NUCB2: variants seen among roughly 807,000 people sequenced by gnomAD.
The protein encoded by NUCB2 is nucleobindin-2.
In NUCB2, 48 loss-of-function variants were observed where a neutral mutation model predicts 57.9. The observed-to-expected ratio is 0.83, with a 90% CI of 0.66 to 1.05. NUCB2 has a LOEUF of 1.05. NUCB2 is among the 50% of genes least tolerant of loss of function. The pLI, the probability that NUCB2 is intolerant of heterozygous loss-of-function variation, is 0.00. For synonymous variants in NUCB2, 139 were observed against 152.1 expected (o/e 0.91, Z 0.64); for missense variants, 442 against 476.2 (o/e 0.93, Z 0.67).
At chr11:17,288,955 AT>A in intron 2 of NUCB2, among the ~76,000 whole-genome samples, 1 of 59,280 alleles carries the variant, frequency 1.7e-5, no homozygotes, top group African/African-American at 1.0e-4. Context: ...ACACACATAT[AT>A]ATATATATTT....
chr11:17,348,316 T>TGTG (rs1347123809), intron 2 of NUCB2, among the ~76,000 whole-genome samples: 47 of 119,180 alleles, frequency 3.9e-4, no homozygotes, highest in African/African-American at 1.4e-3. Flanking sequence ...TGTTTGTTTT[T>TGTG]GTGTTTTTTT....
chr11:17,306,240 A>T (rs920779224), intron 5 of NUCB2, among the ~76,000 whole-genome samples: 5 of 152,194 alleles, frequency 3.3e-5, no homozygotes, highest in Non-Finnish European at 5.9e-5. Context: ...ATTAATAAAC[A>T]TCTGAACATT....
In NUCB2 at chr11:17,312,041, A is replaced by G; in HGVS notation, c.833A>G (p.Tyr278Cys). ...TTTTCTTTTTAGTTGGAGAAAGTAT[A>G]TGACCCTAAAAATGAAGAGGATGAT... ...ALFTKELEKV[Y>C]DPKNEEDDMV... The change falls in exon 10 of 14, where the codon TAT becomes TGT. Residue 278 changes from tyrosine to cysteine, a missense_variant. Physicochemically the swap from Tyr to Cys is radical, Grantham distance 194. Coordinates refer to ENST00000529010, the MANE Select transcript of NUCB2 (RefSeq NM_005013.4). 1 of 1,585,624 alleles carries G rather than the reference A, an allele frequency of 6.3e-7. No individual in the cohort carries two copies. Among genetic ancestry groups the G allele is most frequent in the Non-Finnish European group, 8.6e-7 (1 of 1,167,128 alleles).
rs34261355 is a variant in NUCB2 at position 17,285,964 on chromosome 11, C to CAT, written c.-1+3022_-1+3023insTA. The stretch of plus-strand genomic sequence containing the variant: ...ACACACACACACACACACACACACA[C>CAT]ACAAAGCAAACTTAATCTGTATAAC... On this transcript the variant is annotated intron_variant, in intron 2 of 13. Coordinates refer to ENST00000529010, the MANE Select transcript of NUCB2 (RefSeq NM_005013.4). Among the ~76,000 whole-genome samples, 8 of 150,602 alleles carry CAT rather than the reference C, an allele frequency of 5.3e-5. No individual in the cohort carries two copies. In the East Asian group the frequency reaches 1.5e-3, roughly 29 times the overall value.
intron 2 of NUCB2, among the ~76,000 whole-genome samples, chr11:17,285,576 C>CAA (rs1319420352): frequency 2.8e-4 from 31 of 109,850 alleles, no homozygotes; most frequent in Admixed American, 9.6e-4. Context: ...GACACTGTCT[C>CAA]AAAAAAAAAA....
intron 2 of NUCB2, among the ~76,000 whole-genome samples, chr11:17,343,808 A>G (rs926948193): frequency 2.0e-5 from 3 of 152,110 alleles, no homozygotes; most frequent in African/African-American, 7.2e-5. Context: ...TTGTTCTATG[A>G]CACTTAGTAA....
Position 17,311,916 on chromosome 11 carries a change from CTATTTACTAAAGAG to C in NUCB2, c.806_819del (p.Phe270GlyfsTer5), listed in dbSNP as rs1455311161. The C allele has an allele frequency of 6.3e-7, 1 of 1,596,262 alleles. No individual in the cohort carries two copies. The highest frequency in any genetic ancestry group is 2.2e-5 in the East Asian group (1 of 44,548). On this transcript the variant is annotated frameshift_variant and splice_region_variant, in exon 9 of 14. Coordinates refer to ENST00000529010, the MANE Select transcript of NUCB2 (RefSeq NM_005013.4). LOFTEE classifies it high-confidence loss of function. ...CCTGGATGAACAAGAATTAGAAGCC[CTATTTACTAAAGAG>C]GTAAAGGAGTTTATTAAGTATTCAG...
At position 17,295,433 on chromosome 11, in the gene NUCB2, T is replaced by G. The variant is rs1945672617; in HGVS notation, c.110T>G (p.Ile37Ser). The change falls in exon 3 of 14, where the codon ATT (isoleucine) becomes AGT (serine). Residue 37 changes from isoleucine to serine, a missense_variant. Coordinates refer to ENST00000529010, the MANE Select transcript of NUCB2 (RefSeq NM_005013.4). ...IDIDKTKVQN[I>S]HPVESAKIEP... ...ATAGACAAGACAAAAGTACAAAATA[T>G]TCACCCTGTGGAAAGTGCGAAGATA... 1 of 1,612,708 alleles carries G rather than the reference T, an allele frequency of 6.2e-7. No homozygotes were observed. Among genetic ancestry groups the G allele is most frequent in the Admixed American group, 1.7e-5 (1 of 59,638 alleles).
At chr11:17,284,185 T>A (rs1454798468) in intron 2 of NUCB2, among the ~76,000 whole-genome samples, 1 of 152,030 alleles carries the variant, frequency 6.6e-6, no homozygotes, top group Non-Finnish European at 1.5e-5. Flanking sequence ...ACCCAACTAA[T>A]TTTTGTATTT....
intron 2 of NUCB2, among the ~76,000 whole-genome samples, chr11:17,290,902 T>TA (rs1012428165): frequency 6.6e-6 from 1 of 152,154 alleles, no homozygotes; most frequent in African/African-American, 2.4e-5. Context: ...TTACTCCTTT[T>TA]AAAAAAATTG....
At chr11:17,321,897 C>A (rs192565289) in intron 11 of NUCB2, among the ~76,000 whole-genome samples, 2 of 152,008 alleles carry the variant, frequency 1.3e-5, no homozygotes, top group African/African-American at 4.8e-5. Context: ...TGTCTTCTTT[C>A]GAGAAATGTC....
chr11:17,328,235 C>G (rs1214986277), intron 11 of NUCB2, among the ~76,000 whole-genome samples: 1 of 152,196 alleles, frequency 6.6e-6, no homozygotes, highest in Admixed American at 6.5e-5. Context: ...TTACTTTCTT[C>G]CAAACAAATG....
downstream of NUCB2, chr11:17,333,391 T>C (rs1429757343): frequency 1.3e-5 from 2 of 152,280 alleles, no homozygotes; most frequent in Admixed American, 1.3e-4. Flanking sequence ...CTACAGTCTA[T>C]TGCAGGCCAG....
chr11:17,285,371 G>A (rs1309928126), intron 2 of NUCB2, among the ~76,000 whole-genome samples: 5 of 151,922 alleles, frequency 3.3e-5, no homozygotes, highest in Non-Finnish European at 7.4e-5. Context: ...TCAAGAGATC[G>A]AGACCAGCCT....
chr11:17,282,259 T>TCTATCTATCTATCTATCTATC (rs1555062027), intron 1 of NUCB2, among the ~76,000 whole-genome samples: 1 of 73,038 alleles, frequency 1.4e-5, no homozygotes, highest in Non-Finnish European at 2.4e-5. Flanking sequence ...TATATATATA[T>TCTATCTATCTATCTATCTATC]TTTTTTTTTT....
At chr11:17,329,142 A>G (rs1482328231) in intron 11 of NUCB2, among the ~76,000 whole-genome samples, 1 of 152,088 alleles carries the variant, frequency 6.6e-6, no homozygotes, top group African/African-American at 2.4e-5. Context: ...CTATCCTACT[A>G]TGGCTTAGCT....
At chr11:17,334,697 C>T (rs1202652100), downstream of NUCB2, among the ~76,000 whole-genome samples, 1 of 152,090 alleles carries the variant, frequency 6.6e-6, no homozygotes, top group Non-Finnish European at 1.5e-5. Context: ...ACCAGCCTGG[C>T]CAACATGGTG....
intron 10 of NUCB2, among the ~76,000 whole-genome samples, 175 bp downstream of exon 10, chr11:17,312,295 G>T (rs1472310830): frequency 6.6e-6 from 1 of 151,404 alleles, no homozygotes; most frequent in Non-Finnish European, 1.5e-5. Context: ...AGGCAGTGGT[G>T]CAATCATGGC....
intron 11 of NUCB2, among the ~76,000 whole-genome samples, chr11:17,325,140 G>A (rs1950518628): frequency 6.6e-6 from 1 of 152,144 alleles, no homozygotes; most frequent in Non-Finnish European, 1.5e-5. Context: ...ATGTGCTAAG[G>A]AGAAAAATGT....
Sources: gnomAD v4.1 joint callset for allele counts (sites outside exome capture counted in the v4.1 genomes callset) on GRCh38, gnomAD v4.1.1 for gene constraint, MANE v1.5 for transcripts, NCBI Gene and HGNC (gene_info 2026-07-23, HGNC 2026-07-21) for gene names.